The following TRAM2 variants were observed in gnomAD, a reference collection of about 807,000 sequenced individuals.
TRAM2 encodes the protein translocating chain-associated membrane protein 2.
A neutral mutation model predicts 51.0 loss-of-function variants in TRAM2; 12 were observed. The ratio of observed to expected loss-of-function variants is 0.24; its 90% CI spans 0.15 to 0.38. The LOEUF is 0.38. Ranked by LOEUF, TRAM2 falls within the 10% of genes least tolerant of loss-of-function variation. The probability of loss-of-function intolerance (pLI) is 1.00; values close to 1 mark genes in which losing one functional copy is unlikely to be tolerated. For synonymous variants in TRAM2, 175 were observed against 179.4 expected (o/e 0.98, Z 0.20); for missense variants, 361 against 462.0 (o/e 0.78, Z 2.00).
intron 1 of TRAM2, among the ~76,000 whole-genome samples, chr6:52,548,233 A>G (rs909953888): frequency 6.6e-6 from 1 of 152,252 alleles, no homozygotes; most frequent in African/African-American, 2.4e-5. Context: ...ATCCAGAGTC[A>G]GGCTATACAT....
At chr6:52,527,569 G>A (rs1247739364) in intron 2 of TRAM2, among the ~76,000 whole-genome samples, 1 of 152,060 alleles carries the variant, frequency 6.6e-6, no homozygotes, top group Non-Finnish European at 1.5e-5. Flanking sequence ...ACATTTGGGG[G>A]CTCAGTGCAG....
chr6:52,498,047 A>T lies in TRAM2; in HGVS notation c.*5150T>A, dbSNP rs1766123538. ...TTTTTTCCTCTTCAACACATTTTTT[A>T]AAAATAGACCTCTAAGATGATGCTA... is the stretch of plus-strand genomic sequence containing the variant. On this transcript the variant is annotated 3_prime_UTR_variant, in exon 11 of 11. Coordinates refer to ENST00000182527, the MANE Select transcript of TRAM2 (RefSeq NM_012288.4). 6.6e-6 allele frequency: 1 copy of T among 152,184 alleles called. No homozygotes were observed. Among genetic ancestry groups the T allele is most frequent in the Non-Finnish European group, 1.5e-5 (1 of 68,018 alleles). The allele number at this position is 152,184 out of a possible 1,614,324, so 9.4% of individuals were successfully genotyped here.
At chr6:52,507,048 C>T (rs191397314) in intron 7 of TRAM2, among the ~76,000 whole-genome samples, 3 of 152,296 alleles carry the variant, frequency 2.0e-5, no homozygotes, top group East Asian at 3.9e-4. Context: ...AGAGGCTCTT[C>T]GAGAACTAAT....
intron 1 of TRAM2, among the ~76,000 whole-genome samples, chr6:52,565,761 G>C (rs1767580369): frequency 6.6e-6 from 1 of 152,106 alleles, no homozygotes; most frequent in African/African-American, 2.4e-5. Flanking sequence ...TCAGTACATA[G>C]CGAGTGCTAA....
chr6:52,575,809 T>C (rs73742612), intron 1 of TRAM2, among the ~76,000 whole-genome samples: 2,790 of 152,356 alleles, frequency 0.018, 79 homozygotes, highest in African/African-American at 0.057. Context: ...GTGAGGGGAA[T>C]GTCGCTCACA....
chr6:52,574,600 G>A (rs896773475), intron 1 of TRAM2, among the ~76,000 whole-genome samples: 1 of 152,186 alleles, frequency 6.6e-6, no homozygotes, highest in African/African-American at 2.4e-5. Flanking sequence ...CAGGAAAAGG[G>A]GGCCTGTAGG....
chr6:52,540,679 C>G (rs1304609156), intron 1 of TRAM2, among the ~76,000 whole-genome samples: 1 of 152,220 alleles, frequency 6.6e-6, no homozygotes, highest in African/African-American at 2.4e-5. Context: ...CCGCAAGCAC[C>G]AGCTGAGTTC....
intron 4 of TRAM2, 107 bp from the exon 5 acceptor site, chr6:52,509,693 A>G: frequency 1.1e-6 from 1 of 922,520 alleles, no homozygotes; most frequent in East Asian, 2.5e-5. Flanking sequence ...CACCTGACAG[A>G]AAGAGGAAGG....
chr6:52,555,553 C>G (rs1198432043), intron 1 of TRAM2, among the ~76,000 whole-genome samples: 1 of 152,100 alleles, frequency 6.6e-6, no homozygotes, highest in Non-Finnish European at 1.5e-5. Context: ...TAAAACACAT[C>G]CAAACGTTTA....
intron 2 of TRAM2, chr6:52,524,672 A>C (rs1242364518): frequency 6.6e-6 from 1 of 152,234 alleles, no homozygotes; most frequent in East Asian, 1.9e-4. Flanking sequence ...TTTCTATTCA[A>C]AAAACAATTT....
intron 2 of TRAM2, among the ~76,000 whole-genome samples, chr6:52,532,151 A>G (rs933063405): frequency 7.9e-5 from 12 of 152,172 alleles, no homozygotes; most frequent in Non-Finnish European, 1.6e-4. Flanking sequence ...TTGTCTGCCA[A>G]TGTCTCTGGG....
intron 7 of TRAM2, among the ~76,000 whole-genome samples, chr6:52,507,098 G>T (rs1419083487): frequency 6.6e-6 from 1 of 152,226 alleles, no homozygotes; most frequent in Non-Finnish European, 1.5e-5. Flanking sequence ...AACCAAGAGA[G>T]ACCTACTCTC....
intron 2 of TRAM2, chr6:52,529,583 T>G (rs1222325741): frequency 6.6e-6 from 1 of 152,210 alleles, no homozygotes; most frequent in Non-Finnish European, 1.5e-5. Context: ...ACGGAAAATC[T>G]GAGTAGCAAG....
chr6:52,546,087 CA>C (rs1005565851), intron 1 of TRAM2, among the ~76,000 whole-genome samples: 1 of 152,178 alleles, frequency 6.6e-6, no homozygotes, highest in Non-Finnish European at 1.5e-5. Context: ...TGCCCCACCC[CA>C]GGGAAAACTT....
At chr6:52,528,140 TCC>T (rs1766817161) in intron 2 of TRAM2, among the ~76,000 whole-genome samples, 1 of 152,116 alleles carries the variant, frequency 6.6e-6, no homozygotes, top group Non-Finnish European at 1.5e-5. Context: ...TCTAAAGCTT[TCC>T]AGAACCCTGG....
At chr6:52,520,219 G>A (rs755261292) in intron 2 of TRAM2, among the ~76,000 whole-genome samples, 2 of 152,220 alleles carry the variant, frequency 1.3e-5, no homozygotes, top group Non-Finnish European at 2.9e-5. Flanking sequence ...GGCTGGGGGT[G>A]TGGAGCAGAA....
chr6:52,560,296 A>C (rs530535845), intron 1 of TRAM2, among the ~76,000 whole-genome samples: 4 of 152,290 alleles, frequency 2.6e-5, no homozygotes, highest in Middle Eastern at 3.4e-3. Context: ...TTGAAAGCTG[A>C]AGTCTTCCAT....
chr6:52,532,435 AT>A (rs1043741623), intron 2 of TRAM2, among the ~76,000 whole-genome samples: 7 of 151,548 alleles, frequency 4.6e-5, no homozygotes, highest in East Asian at 3.9e-4. Flanking sequence ...TGGTATTCTG[AT>A]TTTTTTTTAA....
intron 6 of TRAM2, 134 bp downstream of exon 6, chr6:52,508,100 C>T (rs143815899): frequency 2.6e-6 from 2 of 780,392 alleles, no homozygotes; most frequent in Non-Finnish European, 4.0e-6. Context: ...GCATGTTGCT[C>T]AATCCCCAAC....
Sources: gnomAD v4.1 joint callset for allele counts (sites outside exome capture counted in the v4.1 genomes callset) on GRCh38, gnomAD v4.1.1 for gene constraint, MANE v1.5 for transcripts, NCBI Gene and HGNC (gene_info 2026-07-23, HGNC 2026-07-21) for gene names.